Variants in DLGAP2 observed in about 807,000 individuals in gnomAD.
The protein encoded by DLGAP2 is disks large-associated protein 2.
In DLGAP2, 26 loss-of-function variants were observed where a neutral mutation model predicts 100.3. That is an observed-to-expected ratio of 0.26 (90% confidence interval 0.19 to 0.36). The LOEUF (loss-of-function observed/expected upper bound fraction) is 0.36, where lower values mean the gene tolerates loss of function less well. DLGAP2 is among the 10% of genes least tolerant of loss of function. The pLI is 1.00. For synonymous variants in DLGAP2, 886 were observed against 630.1 expected (o/e 1.41, Z -6.08); for missense variants, 1,858 against 1,453.2 (o/e 1.28, Z -4.53).
At chr8:1,431,267 G>A (rs977887968) in intron 3 of DLGAP2, among the ~76,000 whole-genome samples, 3 of 152,136 alleles carry the variant, frequency 2.0e-5, no homozygotes, top group Non-Finnish European at 2.9e-5. Flanking sequence ...TGTAAGTCCC[G>A]ATTCAATGTT....
chr8:1,561,241 C>T (rs1045469860), intron 5 of DLGAP2, among the ~76,000 whole-genome samples: 17 of 151,854 alleles, frequency 1.1e-4, no homozygotes, highest in Non-Finnish European at 1.8e-4. Flanking sequence ...AGTTAAACCT[C>T]TTTCCTTTAT....
intron 2 of DLGAP2, among the ~76,000 whole-genome samples, chr8:1,010,648 G>A (rs923682019): frequency 2.6e-5 from 4 of 152,224 alleles, no homozygotes; most frequent in Non-Finnish European, 5.9e-5. Context: ...AATGGGTGAG[G>A]CTTTTCCCAT....
intron 2 of DLGAP2, among the ~76,000 whole-genome samples, chr8:922,904 T>C (rs1247429469): frequency 6.6e-6 from 1 of 152,224 alleles, no homozygotes; most frequent in African/African-American, 2.4e-5. Flanking sequence ...AAATAAAATG[T>C]TTCTTGAGGG....
At position 1,475,185 on chromosome 8, in the gene DLGAP2, A is replaced by G. The variant is rs146511475; in HGVS notation, c.107-26181A>G. On this transcript the variant is annotated intron_variant, in intron 3 of 14. Transcript: ENST00000637795. The stretch of plus-strand genomic sequence containing the variant: ...ACATTGGGCACACGTGGACACAGAG[A>G]CGGGAACAAGACACCGGGAACTACT... Among the ~76,000 whole-genome samples, 468 of 152,302 alleles carry G rather than the reference A, an allele frequency of 3.1e-3. 4 individuals are homozygous for G. The highest frequency in any genetic ancestry group is 0.01 in the African/African-American group (428 of 41,560).
chr8:1,387,074 T>A (rs1319380701), intron 3 of DLGAP2, among the ~76,000 whole-genome samples: 1 of 152,164 alleles, frequency 6.6e-6, no homozygotes, highest in East Asian at 1.9e-4. Context: ...TAACGGCATG[T>A]ATTGCGGGTG....
At chr8:805,140 C>G (rs575554800) in intron 1 of DLGAP2, among the ~76,000 whole-genome samples, 2 of 152,290 alleles carry the variant, frequency 1.3e-5, no homozygotes, top group African/African-American at 4.8e-5. Context: ...GCCCCCTAGG[C>G]AAACTATTAT....
At chr8:912,653 A>G (rs1563092224) in intron 2 of DLGAP2, among the ~76,000 whole-genome samples, 4 of 138,156 alleles carry the variant, frequency 2.9e-5, no homozygotes, top group Non-Finnish European at 6.2e-5. Flanking sequence ...GCCCCACACC[A>G]CAGTGTCCAT....
At chr8:1,511,832 ACAAT>A (rs35410951) in intron 4 of DLGAP2, among the ~76,000 whole-genome samples, 65,454 of 151,488 alleles carry the variant, frequency 0.43, 14,913 homozygotes, top group South Asian at 0.66. Context: ...CTAGTGTAAG[ACAAT>A]CAGTAGGTCA....
rs1404346409 is a variant in DLGAP2, at chr8:1,702,273, T to A, written c.*867T>A. On this transcript the variant is annotated 3_prime_UTR_variant, in exon 15 of 15. Coordinates refer to ENST00000637795, the MANE Select transcript of DLGAP2 (RefSeq NM_001346810.2). ...CGACACCCAGTATTTTCTTTAAGTT[T>A]CACCATTTACGCTACATGTGATTTT... The A allele has an allele frequency of 6.6e-6, 1 of 152,276 alleles. No individual in the cohort carries two copies. Among genetic ancestry groups the A allele is most frequent in the African/African-American group, 2.4e-5 (1 of 41,442 alleles). 9.4% of individuals were successfully genotyped at this position (152,276 alleles called of 1,614,324 possible).
chr8:1,512,385 A>G (rs1306718280), intron 4 of DLGAP2, among the ~76,000 whole-genome samples: 2 of 152,222 alleles, frequency 1.3e-5, no homozygotes, highest in Non-Finnish European at 2.9e-5. Flanking sequence ...CACGGTTCAG[A>G]CAAATGGTGG....
intron 2 of DLGAP2, among the ~76,000 whole-genome samples, chr8:1,037,216 C>G (rs1802153883): frequency 6.6e-6 from 1 of 152,162 alleles, no homozygotes; most frequent in Non-Finnish European, 1.5e-5. Context: ...TCCTGTCCTC[C>G]CGGCCCGAGC....
At chr8:1,584,315 T>C (rs939530323) in intron 6 of DLGAP2, among the ~76,000 whole-genome samples, 2 of 152,186 alleles carry the variant, frequency 1.3e-5, no homozygotes, top group Admixed American at 6.5e-5. Flanking sequence ...GCAAAGCTGA[T>C]TCACATTCAC....
intron 2 of DLGAP2, among the ~76,000 whole-genome samples, chr8:1,219,400 A>G (rs556292310): frequency 1.3e-4 from 20 of 152,216 alleles, no homozygotes; most frequent in African/African-American, 3.8e-4. Context: ...TTTAGTTATG[A>G]TTATGTGATG....
intron 2 of DLGAP2, among the ~76,000 whole-genome samples, chr8:1,008,724 G>A (rs974596546): frequency 1.3e-5 from 2 of 152,178 alleles, no homozygotes; most frequent in Non-Finnish European, 1.5e-5. Flanking sequence ...TGCCAGGGCC[G>A]GTTCCCCGCT....
At chr8:875,841 C>T (rs569242080) in intron 1 of DLGAP2, among the ~76,000 whole-genome samples, 22 of 152,188 alleles carry the variant, frequency 1.4e-4, no homozygotes, top group Non-Finnish European at 2.9e-4. Flanking sequence ...TATGTTTTAG[C>T]TTATTAAAAT....
At chr8:946,510 G>C (rs560024911) in intron 2 of DLGAP2, among the ~76,000 whole-genome samples, 1 of 152,232 alleles carries the variant, frequency 6.6e-6, no homozygotes, top group South Asian at 2.1e-4. Flanking sequence ...TGATCTGCCC[G>C]CCTTGGCCTC....
chr8:1,432,420 C>G (rs1352740144), intron 3 of DLGAP2, among the ~76,000 whole-genome samples: 2 of 152,180 alleles, frequency 1.3e-5, no homozygotes, highest in Admixed American at 6.5e-5. Context: ...TTAGCCCAAC[C>G]AAGGAAGCCA....
intron 2 of DLGAP2, among the ~76,000 whole-genome samples, chr8:1,253,036 C>T (rs1370753045): frequency 6.6e-6 from 1 of 152,202 alleles, no homozygotes; most frequent in East Asian, 1.9e-4. Flanking sequence ...CCCGCTGTCC[C>T]TCCGCTGCTT....
intron 2 of DLGAP2, among the ~76,000 whole-genome samples, chr8:1,027,104 T>A (rs1405528611): frequency 1.3e-5 from 2 of 150,932 alleles, no homozygotes; most frequent in Non-Finnish European, 3.0e-5. Context: ...TAGGGAAGGG[T>A]TTTTTTTTAC....
Sources: allele counts gnomAD v4.1 joint callset (sites outside exome capture counted in the v4.1 genomes callset), GRCh38; gene constraint gnomAD v4.1.1; transcripts MANE v1.5; gene names NCBI Gene and HGNC (gene_info 2026-07-23, HGNC 2026-07-21).